The following SESN1 variants were observed in gnomAD, a reference collection of about 807,000 sequenced individuals.
SESN1 encodes sestrin 1, also known as sestrin-1.
A neutral mutation model predicts 59.3 loss-of-function variants in SESN1; 30 were observed. The observed-to-expected ratio is 0.51, with a 90% CI of 0.38 to 0.69. SESN1 has a LOEUF of 0.69. Ranked by LOEUF, SESN1 falls within the 30% of genes least tolerant of loss-of-function variation. The probability of loss-of-function intolerance (pLI) is 0.00; values close to 1 mark genes in which losing one functional copy is unlikely to be tolerated. For synonymous variants in SESN1, 197 were observed against 219.9 expected (o/e 0.90, Z 0.92); for missense variants, 566 against 673.0 (o/e 0.84, Z 1.76).
At chr6:108,990,975 A>G in intron 7 of SESN1, 140 bp from the exon 8 acceptor site, 1 of 650,244 alleles carries the variant, frequency 1.5e-6, no homozygotes, top group Non-Finnish European at 2.6e-6. Context: ...AGCTTCACTT[A>G]CACTCCAATC....
chr6:109,079,194 GAAA>G (rs200879750), intron 1 of SESN1, among the ~76,000 whole-genome samples: 1 of 144,072 alleles, frequency 6.9e-6, no homozygotes, highest in African/African-American at 2.5e-5. Context: ...GTGCTAAACT[GAAA>G]AAAAAAAAAA....
intron 1 of SESN1, among the ~76,000 whole-genome samples, chr6:109,068,152 C>G (rs1035942332): frequency 6.6e-6 from 1 of 152,170 alleles, no homozygotes; most frequent in African/African-American, 2.4e-5. Context: ...TGCCCATCAT[C>G]CCTTCTTGGT....
Position 109,018,732 on chromosome 6 carries a change from CA to C in SESN1, c.280-16390del, listed in dbSNP as rs577285274. On this transcript the variant is annotated intron_variant, in intron 1 of 9. Transcript: ENST00000436639. ...TCAAGCTTCTGGATCAGTTTAACTG[CA>C]GCGTATCTTGAGAATGCAAGGTGAA... Among the ~76,000 whole-genome samples, 110 of 152,270 alleles carry C rather than the reference CA, an allele frequency of 7.2e-4. 2 individuals carry two copies. In the South Asian group the frequency reaches 0.022, roughly 30 times the overall value.
At chr6:109,026,536 C>T (rs542764281) in intron 1 of SESN1, among the ~76,000 whole-genome samples, 2 of 151,958 alleles carry the variant, frequency 1.3e-5, no homozygotes, top group Admixed American at 6.5e-5. Flanking sequence ...CTCGCTCTGT[C>T]GCCAGGCTGG....
intron 5 of SESN1, among the ~76,000 whole-genome samples, chr6:108,995,400 C>T (rs1377763373): frequency 6.6e-6 from 1 of 152,196 alleles, no homozygotes; most frequent in East Asian, 1.9e-4. Flanking sequence ...AAGATGTCTA[C>T]ATGGCTGGAG....
intron 1 of SESN1, among the ~76,000 whole-genome samples, chr6:109,079,665 T>C (rs1187806355): frequency 6.6e-6 from 1 of 152,188 alleles, no homozygotes. Context: ...AATTGAGTAA[T>C]TTCTGAACAT....
intron 1 of SESN1, among the ~76,000 whole-genome samples, chr6:109,021,457 CCTT>C (rs888963730): frequency 3.3e-5 from 5 of 152,004 alleles, no homozygotes; most frequent in Non-Finnish European, 5.9e-5. Flanking sequence ...CTTGCCTCAT[CCTT>C]CTTTTTTTTT....
intron 1 of SESN1, among the ~76,000 whole-genome samples, chr6:109,040,502 T>G (rs932960111): frequency 5.9e-5 from 9 of 152,170 alleles, no homozygotes; most frequent in African/African-American, 1.9e-4. Flanking sequence ...GTGTACATAC[T>G]TGTCCAAGGA....
At chr6:109,012,943 G>A (rs933965314) in intron 1 of SESN1, among the ~76,000 whole-genome samples, 2 of 151,316 alleles carry the variant, frequency 1.3e-5, no homozygotes, top group African/African-American at 2.4e-5. Context: ...GTGAAACCCC[G>A]TCTCTACTGA....
chr6:109,089,221 G>A (rs1189979173), intron 1 of SESN1, among the ~76,000 whole-genome samples: 1 of 152,176 alleles, frequency 6.6e-6, no homozygotes, highest in Non-Finnish European at 1.5e-5. Flanking sequence ...AGCTTTTGCT[G>A]CTTTACTAAT....
chr6:109,051,250 G>T (rs1236884159), intron 1 of SESN1, among the ~76,000 whole-genome samples: 1 of 152,094 alleles, frequency 6.6e-6, no homozygotes, highest in Admixed American at 6.5e-5. Flanking sequence ...TTATAAAACA[G>T]CAGGGTGCAA....
intron 9 of SESN1, among the ~76,000 whole-genome samples, chr6:108,987,888 C>T (rs1394898171): frequency 6.6e-6 from 1 of 150,880 alleles, no homozygotes; most frequent in Non-Finnish European, 1.5e-5. Flanking sequence ...CTACAACCTC[C>T]ACCTCCTGGG....
chr6:109,046,547 G>C (rs879418912), intron 1 of SESN1, among the ~76,000 whole-genome samples: 1 of 143,786 alleles, frequency 7.0e-6, no homozygotes, highest in African/African-American at 2.6e-5. Context: ...GCCACCCATC[G>C]TCTGGGATGT....
intron 1 of SESN1, among the ~76,000 whole-genome samples, chr6:109,044,065 A>G (rs969198492): frequency 6.6e-6 from 1 of 152,104 alleles, no homozygotes; most frequent in African/African-American, 2.4e-5. Context: ...CTGTAATCCC[A>G]GCACTTTGGG....
Position 108,986,101 on chromosome 6 carries a change from A to C in SESN1, c.*1443T>G, listed in dbSNP as rs1779179588. 6.6e-6 allele frequency among the ~76,000 whole-genome samples: 1 copy of C among 152,174 alleles called. No individual in the cohort carries two copies. The highest frequency in any genetic ancestry group is 1.5e-5 in the Non-Finnish European group (1 of 68,026). On this transcript the variant is annotated 3_prime_UTR_variant, in exon 10 of 10. Transcript: ENST00000436639. ...GTTATCATCACAACAGCTTCAGTTA[A>C]ACTTAGAGCTATTTCTACTTGTCTG...
intron 1 of SESN1, among the ~76,000 whole-genome samples, chr6:109,065,322 GTTAT>G (rs1301884879): frequency 6.6e-6 from 1 of 151,966 alleles, no homozygotes; most frequent in African/African-American, 2.4e-5. Context: ...AATAACTATT[GTTAT>G]TTAGTTTCTT....
intron 1 of SESN1, among the ~76,000 whole-genome samples, chr6:109,089,342 G>A (rs1781270348): frequency 6.6e-6 from 1 of 152,230 alleles, no homozygotes; most frequent in Admixed American, 6.5e-5. Flanking sequence ...GTGAAAGCCA[G>A]ATAATGCTGG....
At chr6:109,047,392 G>C (rs1780468253) in intron 1 of SESN1, among the ~76,000 whole-genome samples, 1 of 136,752 alleles carries the variant, frequency 7.3e-6, no homozygotes, top group Non-Finnish European at 1.6e-5. Context: ...GGGAGGTGAG[G>C]GGCGCCTCTG....
In SESN1 at chr6:109,074,300, G is replaced by A. The variant is rs566978853; in HGVS notation, c.279+19495C>T. 2.0e-3 allele frequency among the ~76,000 whole-genome samples: 290 copies of A among 144,452 alleles called. 1 individual carries two copies. The highest frequency in any genetic ancestry group is 7.6e-3 in the African/African-American group (274 of 36,156). 94.8% of individuals were successfully genotyped at this position (144,452 alleles called of 152,430 possible). A position where few individuals can be genotyped will look rare whatever the true frequency, so the allele number is the denominator to read the frequency against. The stretch of plus-strand genomic sequence containing the variant: ...TAACTGTATATATGTGTGTATATAT[G>A]TATATACCTTCTAGATTTAAAATAT... On this transcript the variant is annotated intron_variant, in intron 1 of 9. Coordinates refer to ENST00000436639, the MANE Select transcript of SESN1 (RefSeq NM_014454.3).
Sources: allele counts gnomAD v4.1 joint callset (sites outside exome capture counted in the v4.1 genomes callset), GRCh38; gene constraint gnomAD v4.1.1; transcripts MANE v1.5; gene names NCBI Gene and HGNC (gene_info 2026-07-23, HGNC 2026-07-21).